Variants in WASHC2C observed in about 807,000 individuals in gnomAD.
The protein encoded by WASHC2C is Vaccinia Penetration Factor.
Under a neutral mutation model 142.2 loss-of-function variants are expected in WASHC2C, and 73 were observed. The ratio of observed to expected loss-of-function variants is 0.51; its 90% CI spans 0.43 to 0.62. WASHC2C has a LOEUF of 0.62. WASHC2C is among the 20% of genes least tolerant of loss of function. WASHC2C has a pLI of 0.00. For synonymous variants in WASHC2C, 337 were observed against 565.5 expected, an observed-to-expected ratio of 0.60 and a Z score of 5.73; for missense variants, 969 against 1,531.7, an observed-to-expected ratio of 0.63 and a Z score of 6.13.
At chr10:45,756,359 A>G (rs1454475153) in intron 15 of WASHC2C, among the ~76,000 whole-genome samples, 2 of 152,000 alleles carry the variant, frequency 1.3e-5, no homozygotes, top group Admixed American at 6.6e-5. Flanking sequence ...GTGACAGTTA[A>G]AAAGAAAGGG....
intron 18 of WASHC2C, among the ~76,000 whole-genome samples, chr10:45,764,002 T>C (rs2055468564): frequency 6.6e-6 from 1 of 152,118 alleles, no homozygotes; most frequent in South Asian, 2.1e-4. Flanking sequence ...GTGCCTGGCT[T>C]CTTGACACAG....
chr10:45,759,805 C>T lies in WASHC2C; in HGVS notation c.1635+404C>T, dbSNP rs570359293. On this transcript the variant is annotated intron_variant, in intron 17 of 30. Coordinates refer to ENST00000623400, the MANE Select transcript of WASHC2C (RefSeq NM_001330074.2). ...TTGCACTCCAGTCTAGGCGACAGAG[C>T]GAGACTTCATCTCAAAATAAATAAA... 1.1e-4 allele frequency among the ~76,000 whole-genome samples: 16 copies of T among 152,122 alleles called. No homozygotes were observed. The East Asian group carries it at 1.2e-3, about 11-fold the overall frequency.
chr10:45,777,473 T>C (rs781919759), intron 22 of WASHC2C, 48 bp downstream of exon 22: 5 of 1,612,814 alleles, frequency 3.1e-6, no homozygotes, highest in South Asian at 1.1e-5. Context: ...TCTCGTATGT[T>C]GTTTCAAACA....
At chr10:45,750,921 TTTTATTAGTAATTACTACATATA>T in intron 10 of WASHC2C, 83 bp downstream of exon 10, 2 of 1,230,094 alleles carry the variant, frequency 1.6e-6, no homozygotes, top group South Asian at 1.4e-5. Context: ...GGATTTCTCT[TTTTATTAGTAATTACTACATATA>T]TTTATTAGTA....
At chr10:45,749,836 A>AAAAAATATATATATATAT (rs1227809519) in intron 8 of WASHC2C, among the ~76,000 whole-genome samples, 1 of 101,768 alleles carries the variant, frequency 9.8e-6, no homozygotes, top group South Asian at 3.5e-4. Context: ...AAAAAAAAAA[A>AAAAAATATATATATATAT]ATATATATAT....
At chr10:45,768,255 AG>A (rs1303345548) in intron 19 of WASHC2C, among the ~76,000 whole-genome samples, 104 of 150,328 alleles carry the variant, frequency 6.9e-4, no homozygotes, top group South Asian at 2.8e-3. Context: ...AAAAAAAAAA[AG>A]AAAGAGAAGA....
At chr10:45,735,695 T>C (rs1482154628) in intron 3 of WASHC2C, among the ~76,000 whole-genome samples, 1 of 152,216 alleles carries the variant, frequency 6.6e-6, no homozygotes, top group African/African-American at 2.4e-5. Context: ...TTTATGATAA[T>C]TTTCATGGGA....
rs1462524493 is a variant in WASHC2C, at chr10:45,789,193, C to T, written c.3410C>T (p.Ser1137Phe). ...ADLFDSGDIFSTGTGSQSVER... is the reference protein window; with the variant it reads ...ADLFDSGDIFFTGTGSQSVER... ...CTTTTTGATTCTGGGGACATTTTTTCCACGGGCACTGGATCTCAGTCCGTG... is the reference window on the plus strand; with the variant it reads ...CTTTTTGATTCTGGGGACATTTTTTTCACGGGCACTGGATCTCAGTCCGTG... Residue 1137 changes from serine to phenylalanine, a missense_variant, in exon 29 of 31, where the codon TCC becomes TTC. By Grantham distance (155) the Ser-to-Phe change is radical. Coordinates refer to ENST00000623400, the MANE Select transcript of WASHC2C (RefSeq NM_001330074.2). 13 of 1,611,892 alleles carry T rather than the reference C, an allele frequency of 8.1e-6. No homozygotes were observed. The African/African-American group carries it at 1.7e-4, about 22-fold the overall frequency.
chr10:45,754,007 T>A (rs4042684), intron 13 of WASHC2C, among the ~76,000 whole-genome samples: 2 of 151,640 alleles, frequency 1.3e-5, no homozygotes, highest in African/African-American at 4.9e-5. Flanking sequence ...TCTCCTCTGC[T>A]TTCTGCTGTC....
At chr10:45,758,058 TC>T (rs1309986299) in intron 16 of WASHC2C, among the ~76,000 whole-genome samples, 5 of 152,238 alleles carry the variant, frequency 3.3e-5, no homozygotes, top group African/African-American at 1.2e-4. Context: ...GAGCAACACC[TC>T]CCACATCTTT....
intron 23 of WASHC2C, among the ~76,000 whole-genome samples, chr10:45,784,271 T>TATATATATATATACAC (rs2057795465): frequency 2.3e-4 from 2 of 8,724 alleles, no homozygotes; most frequent in African/African-American, 4.2e-4. Flanking sequence ...TATATATATA[T>TATATATATATATACAC]ATATATATAT....
At chr10:45,730,868 C>CT (rs1589544525) in intron 3 of WASHC2C, among the ~76,000 whole-genome samples, 1 of 152,148 alleles carries the variant, frequency 6.6e-6, no homozygotes, top group East Asian at 1.9e-4. Context: ...ATCCGCCCAC[C>CT]TCGACCTCCC....
chr10:45,743,568 G>A lies in WASHC2C; in HGVS notation c.622+85G>A, dbSNP rs553689800. 3 of 1,505,422 alleles carry A rather than the reference G, an allele frequency of 2.0e-6. No homozygotes were observed. In the African/African-American group the frequency reaches 4.3e-5, roughly 21 times the overall value. The allele number at this position is 1,505,422 out of a possible 1,614,324, so 93.3% of individuals were successfully genotyped here. On this transcript the variant is annotated intron_variant, in intron 6 of 30. Coordinates refer to ENST00000623400, the MANE Select transcript of WASHC2C (RefSeq NM_001330074.2). The stretch of plus-strand genomic sequence containing the variant: ...TTCAAATTTTACATTAAAGTTTCAA[G>A]AATAGTTCAAAGAACTCTCATATAC...
chr10:45,792,226 T>C, intron 30 of WASHC2C, 35 bp from the exon 31 acceptor site: 1 of 1,563,514 alleles, frequency 6.4e-7, no homozygotes, highest in South Asian at 1.1e-5. Context: ...TCTCCACCCC[T>C]CTTCAGCAAC....
Position 45,779,094 on chromosome 10 carries a change from G to T in WASHC2C, c.2437G>T (p.Asp813Tyr). ...TGATGAGGAAGAGGATAAAATGGAAGATCAAAACATTATCCAGGCTCCACA... is the reference window on the plus strand; with the variant it reads ...TGATGAGGAAGAGGATAAAATGGAATATCAAAACATTATCCAGGCTCCACA... Reference protein sequence around the residue: ...LFDEEEDKMEDQNIIQAPQKE... With the variant: ...LFDEEEDKMEYQNIIQAPQKE... Residue 813 changes from aspartate to tyrosine, a missense_variant, in exon 23 of 31, where the codon GAT becomes TAT. Transcript: ENST00000623400. The T allele has an allele frequency of 6.2e-7, 1 of 1,611,180 alleles. No homozygotes were observed. The highest frequency in any genetic ancestry group is 1.1e-5 in the South Asian group (1 of 90,938).
At chr10:45,758,999 A>G (rs1436151579) in intron 16 of WASHC2C, among the ~76,000 whole-genome samples, 2 of 149,002 alleles carry the variant, frequency 1.3e-5, no homozygotes, top group Non-Finnish European at 3.0e-5. Flanking sequence ...CCTGCCGACC[A>G]CCTAAGGCCC....
In WASHC2C at chr10:45,765,687, T is replaced by C; in HGVS notation, c.1746T>C (p.Leu582=). The C allele has an allele frequency of 6.2e-7, 1 of 1,611,900 alleles. No homozygotes were observed. Among genetic ancestry groups the C allele is most frequent in the Non-Finnish European group, 8.5e-7 (1 of 1,179,844 alleles). Residue 582 remains leucine (L), a synonymous_variant, in exon 19 of 31, where the codon CTT becomes CTC. Transcript: ENST00000623400. ...GCCATTTGCTTTTCTAGGATAATCT[T>C]TTTGGGGGTACAGCTGCTAAGAAGC... ...LFDDEDEEDN[L]FGGTAAKKQT...
At chr10:45,755,496 T>C (rs2054151295) in intron 15 of WASHC2C, among the ~76,000 whole-genome samples, 2 of 152,300 alleles carry the variant, frequency 1.3e-5, no homozygotes, top group Admixed American at 1.3e-4. Context: ...ATTTCCCAGC[T>C]TCTCATTTCT....
intron 23 of WASHC2C, among the ~76,000 whole-genome samples, chr10:45,784,244 GTGTGTGTGTATATA>G (rs1359473239): frequency 2.6e-5 from 1 of 38,934 alleles, no homozygotes; most frequent in African/African-American, 8.1e-5. Context: ...ATATATATGT[GTGTGTGTGTATATA>G]TATATATATA....
Sources: allele counts gnomAD v4.1 joint callset (sites outside exome capture counted in the v4.1 genomes callset), GRCh38; gene constraint gnomAD v4.1.1; transcripts MANE v1.5; gene names NCBI Gene and HGNC (gene_info 2026-07-23, HGNC 2026-07-21).